The following USP22 variants were observed in gnomAD, a reference collection of about 807,000 sequenced individuals.
The protein encoded by USP22 is ubiquitin specific peptidase 22.
A neutral mutation model predicts 68.1 loss-of-function variants in USP22; 22 were observed. The ratio of observed to expected loss-of-function variants is 0.32; its 90% CI spans 0.23 to 0.46. USP22 has a LOEUF of 0.46. Ranked by LOEUF, USP22 falls within the 20% of genes least tolerant of loss-of-function variation. The pLI is 1.00. For synonymous variants in USP22, 279 were observed against 274.2 expected, an observed-to-expected ratio of 1.02 and a Z score of -0.17; for missense variants, 433 against 695.8, an observed-to-expected ratio of 0.62 and a Z score of 4.25.
Position 21,042,747 on chromosome 17 carries a change from T to C in USP22, c.89A>G (p.Lys30Arg). 3 of 1,495,848 alleles carry C rather than the reference T, an allele frequency of 2.0e-6. No individual in the cohort carries two copies. The highest frequency in any genetic ancestry group is 2.7e-6 in the Non-Finnish European group (3 of 1,123,538). The allele number at this position is 1,495,848 out of a possible 1,614,324, so 92.7% of individuals were successfully genotyped here. A position where few individuals can be genotyped will look rare whatever the true frequency, so the allele number is the denominator to read the frequency against. Residue 30 changes from lysine to arginine, a missense_variant, in exon 1 of 13, where the codon AAG (lysine) becomes AGG (arginine). Physicochemically the swap from Lys to Arg is conservative, Grantham distance 26. Transcript: ENST00000261497. ...CAGGTTCTGCTTCCAGTTGTCCACC[T>C]TGAAGCTGCCCAGGTGCGAGCAGCC... ...PPGCSHLGSFKVDNWKQNLRA... is the reference protein window; with the variant it reads ...PPGCSHLGSFRVDNWKQNLRA...
At chr17:21,008,025 G>T (rs1204862091) in intron 8 of USP22, 29 bp from the exon 9 acceptor site, 10 of 1,607,332 alleles carry the variant, frequency 6.2e-6, no homozygotes, top group Admixed American at 3.4e-5. Context: ...GACAGGAGCG[G>T]TAAGGGAGAT....
At chr17:21,014,514 A>G (rs1914071873) in intron 6 of USP22, among the ~76,000 whole-genome samples, 1 of 152,206 alleles carries the variant, frequency 6.6e-6, no homozygotes, top group East Asian at 1.9e-4. Flanking sequence ...GTAGTTTTTC[A>G]GAGGAAAAAA....
intron 12 of USP22, among the ~76,000 whole-genome samples, 159 bp downstream of exon 12, chr17:21,004,043 C>T (rs916626113): frequency 2.0e-5 from 3 of 152,190 alleles, no homozygotes; most frequent in East Asian, 3.8e-4. Context: ...GAGCACCCAT[C>T]GAGGCTGGCA....
At chr17:21,017,862 A>G (rs1018355085) in intron 5 of USP22, 80 bp downstream of exon 5, 11 of 1,536,982 alleles carry the variant, frequency 7.2e-6, no homozygotes, top group Non-Finnish European at 8.9e-6. Context: ...TTCCTTTATC[A>G]TGGTCCACCT....
intron 2 of USP22, among the ~76,000 whole-genome samples, chr17:21,025,783 C>G (rs1243034236): frequency 6.6e-6 from 1 of 152,086 alleles, no homozygotes; most frequent in Non-Finnish European, 1.5e-5. Flanking sequence ...ATGAAATATC[C>G]AGGAAAGGAG....
At chr17:21,017,876 A>AT (rs951731192) in intron 5 of USP22, 66 bp downstream of exon 5, 2,822 of 1,431,260 alleles carry the variant, frequency 2.0e-3, no homozygotes, top group Admixed American at 2.6e-3. Flanking sequence ...TCCACCTTAA[A>AT]TTTTTTTTTT....
chr17:21,019,489 A>G (rs1356057709), intron 3 of USP22, among the ~76,000 whole-genome samples: 1 of 152,266 alleles, frequency 6.6e-6, no homozygotes, highest in Admixed American at 6.5e-5. Flanking sequence ...TCCATCCTTC[A>G]GCACAGAGAT....
Position 21,042,785 on chromosome 17 carries a change from CG to C in USP22, c.50del (p.Ala17GlyfsTer2). ...GGTGCGAGCAGCCCGGCGGCGCTAC[CG>C]CCAGCTCGGCGTCCATGGCCTCGCC... The part of the protein sequence containing the change: ...PEGEAMDAEL[A>X]VAPPGCSHLG... On this transcript the variant is annotated frameshift_variant, in exon 1 of 13. Transcript: ENST00000261497. LOFTEE classifies it high-confidence loss of function. 1 of 1,487,396 alleles carries C rather than the reference CG, an allele frequency of 6.7e-7. No homozygotes were observed. Among genetic ancestry groups the C allele is most frequent in the Non-Finnish European group, 8.9e-7 (1 of 1,120,194 alleles). 92.1% of individuals were successfully genotyped at this position (1,487,396 alleles called of 1,614,324 possible).
intron 2 of USP22, among the ~76,000 whole-genome samples, chr17:21,027,879 A>T (rs1394322883): frequency 6.6e-6 from 1 of 152,104 alleles, no homozygotes; most frequent in Non-Finnish European, 1.5e-5. Flanking sequence ...GAGGCAGGAG[A>T]ACTGCTTGAA....
Position 21,002,975 on chromosome 17 carries a change from C to T in USP22, c.*56G>A, listed in dbSNP as rs2143500349. ...GGGAGGGGGGGGCCAGGGAGGATCACTTTGTGAGGCTTGCCAATGCATTGC... is the reference window on the plus strand; with the variant it reads ...GGGAGGGGGGGGCCAGGGAGGATCATTTTGTGAGGCTTGCCAATGCATTGC... On this transcript the variant is annotated 3_prime_UTR_variant, in exon 13 of 13. Coordinates refer to ENST00000261497, the MANE Select transcript of USP22 (RefSeq NM_015276.2). 2 of 1,606,152 alleles carry T rather than the reference C, an allele frequency of 1.2e-6. No individual in the cohort carries two copies. Among genetic ancestry groups the T allele is most frequent in the Non-Finnish European group, 1.7e-6 (2 of 1,174,886 alleles).
chr17:21,040,233 G>T (rs1394945360), intron 1 of USP22, among the ~76,000 whole-genome samples: 1 of 152,198 alleles, frequency 6.6e-6, no homozygotes, highest in Admixed American at 6.5e-5. Flanking sequence ...TAAGCTTACA[G>T]ATCTGATGGA....
chr17:21,016,390 C>A (rs2127093), intron 5 of USP22, among the ~76,000 whole-genome samples: 113,216 of 151,656 alleles, frequency 0.75, 42,714 homozygotes, highest in South Asian at 0.82. Context: ...TCAACTCCAG[C>A]CGCAGACCCA....
At chr17:21,032,330 C>T (rs994267136) in intron 1 of USP22, among the ~76,000 whole-genome samples, 3 of 150,736 alleles carry the variant, frequency 2.0e-5, no homozygotes, top group African/African-American at 7.3e-5. Context: ...ACAATGCCAA[C>T]ACTGCATTAT....
chr17:21,031,271 T>C lies in USP22; in HGVS notation c.172-2597A>G, dbSNP rs568253034. On this transcript the variant is annotated intron_variant, in intron 1 of 12. Coordinates refer to ENST00000261497, the MANE Select transcript of USP22 (RefSeq NM_015276.2). Reference sequence around the variant, plus strand: ...AACACCGCAGAGCTGAAAATACAAATGTTCATGACTTGTAAAAAGAATAAA... The same window carrying C: ...AACACCGCAGAGCTGAAAATACAAACGTTCATGACTTGTAAAAAGAATAAA... Among the ~76,000 whole-genome samples, 5 of 152,322 alleles carry C rather than the reference T, an allele frequency of 3.3e-5. No individual in the cohort carries two copies. In the East Asian group the frequency reaches 5.8e-4, roughly 18 times the overall value.
rs181519425 is a variant in USP22, at chr17:21,035,986, G to A, written c.171+6679C>T. On this transcript the variant is annotated intron_variant, in intron 1 of 12. Coordinates refer to ENST00000261497, the MANE Select transcript of USP22 (RefSeq NM_015276.2). ...GCGGAGCTTGCAGTGAGCCGAGATC[G>A]CACCACTGCACTCCAGCCTGGGCGA... Among the ~76,000 whole-genome samples the A allele has an allele frequency of 6.3e-3, 805 of 128,796 alleles. 11 individuals are homozygous for A. The highest frequency in any genetic ancestry group is 0.023 in the African/African-American group (720 of 31,714). 84.5% of individuals were successfully genotyped at this position (128,796 alleles called of 152,430 possible). A position where few individuals can be genotyped will look rare whatever the true frequency, so the allele number is the denominator to read the frequency against.
In USP22 at chr17:21,001,126, G is replaced by C. The variant is rs1160226396; in HGVS notation, c.*1905C>G. The C allele has an allele frequency of 1.3e-5, 2 of 151,894 alleles. No individual in the cohort carries two copies. The highest frequency in any genetic ancestry group is 4.8e-5 in the African/African-American group (2 of 41,358). 9.4% of individuals were successfully genotyped at this position (151,894 alleles called of 1,614,324 possible). A position where few individuals can be genotyped will look rare whatever the true frequency, so the allele number is the denominator to read the frequency against. On this transcript the variant is annotated 3_prime_UTR_variant, in exon 13 of 13. Transcript: ENST00000261497. ...CAAACAGCAGAACTTGGTCACATGGGACCATTTCTGAAAATCTCGGCCCAT... is the reference window on the plus strand; with the variant it reads ...CAAACAGCAGAACTTGGTCACATGGCACCATTTCTGAAAATCTCGGCCCAT...
Position 21,015,812 on chromosome 17 carries a change from G to A in USP22, c.778C>T (p.Gln260Ter). 6.2e-7 allele frequency: 1 copy of A among 1,614,054 alleles called. No individual in the cohort carries two copies. The highest frequency in any genetic ancestry group is 1.1e-5 in the South Asian group (1 of 91,040). The change falls in exon 6 of 13, where the codon CAG becomes TAG. Residue 260 changes from glutamine to a stop codon, truncating the protein, a stop_gained. Coordinates refer to ENST00000261497, the MANE Select transcript of USP22 (RefSeq NM_015276.2). LOFTEE classifies it high-confidence loss of function. ...ATGAGGAACTCGTGGGCGTCCTGCT[G>A]CTCGTAGCCTGCTAGGTGCCTCGCG... ...THARHLAGYE[Q>*]QDAHEFLIAA...
At chr17:21,008,298 C>T (rs960560647) in intron 8 of USP22, among the ~76,000 whole-genome samples, 8 of 152,112 alleles carry the variant, frequency 5.3e-5, no homozygotes, top group African/African-American at 1.9e-4. Context: ...CTAATGTTCA[C>T]ACACAAACTG....
At chr17:21,007,784 A>G in intron 9 of USP22, 86 bp downstream of exon 9, 1 of 1,523,596 alleles carries the variant, frequency 6.6e-7, no homozygotes, top group Non-Finnish European at 9.0e-7. Context: ...AAAAAATGTA[A>G]CTGCACAGCA....
Sources: gnomAD v4.1 joint callset for allele counts (sites outside exome capture counted in the v4.1 genomes callset) on GRCh38, gnomAD v4.1.1 for gene constraint, MANE v1.5 for transcripts, NCBI Gene and HGNC (gene_info 2026-07-23, HGNC 2026-07-21) for gene names.